ABCB1: variants seen among roughly 807,000 people sequenced by gnomAD.
The protein encoded by ABCB1 is ATP binding cassette subfamily B member 1.
ABCB1 carries 69 observed loss-of-function variants against 142.0 expected under a neutral mutation model. The ratio of observed to expected loss-of-function variants is 0.49; its 90% confidence interval spans 0.40 to 0.59. The LOEUF (loss-of-function observed/expected upper bound fraction) is 0.59, where lower values mean the gene tolerates loss of function less well. Ranked by LOEUF, ABCB1 falls within the 20% of genes least tolerant of loss-of-function variation. The probability of loss-of-function intolerance (pLI) is 0.00; values close to 1 mark genes in which losing one functional copy is unlikely to be tolerated. For missense variants in ABCB1, 1,326 were observed against 1,554.7 expected, an observed-to-expected ratio of 0.85 and a Z score of 2.47; for synonymous variants, 532 against 539.2, an observed-to-expected ratio of 0.99 and a Z score of 0.18.
At chr7:87,569,729 C>G (rs1232918238) in intron 5 of ABCB1, among the ~76,000 whole-genome samples, 10 of 152,066 alleles carry the variant, frequency 6.6e-5, no homozygotes, top group Non-Finnish European at 1.2e-4. Context: ...GCTCTTTCCC[C>G]CAGGCTGGAG....
At chr7:87,599,290 T>C (rs1186953715) in intron 2 of ABCB1, among the ~76,000 whole-genome samples, 1 of 152,204 alleles carries the variant, frequency 6.6e-6, no homozygotes, top group Admixed American at 6.5e-5. Context: ...GATCAAAATT[T>C]ACTTTAAATA....
rs1563080875 is a variant in ABCB1, at chr7:87,626,461, CATATATGTGTCAT to C, written c.-330-25396_-330-25384del. ...TCATATATGTGTCATATATATGTGT[CATATATGTGTCAT>C]ATATATGTGTCATATATATGTGTCA... On this transcript the variant is annotated intron_variant, in intron 1 of 28. Coordinates refer to the ABCB1 transcript ENST00000265724. Among the ~76,000 whole-genome samples the C allele has an allele frequency of 2.4e-4, 3 of 12,746 alleles. 1 individual carries two copies. The highest frequency in any genetic ancestry group is 3.2e-4 in the Non-Finnish European group (3 of 9,522). 8.4% of individuals were successfully genotyped at this position (12,746 alleles called of 152,430 possible). A position where few individuals can be genotyped will look rare whatever the true frequency, so the allele number is the denominator to read the frequency against.
At chr7:87,585,276 T>C (rs1261304127) in intron 4 of ABCB1, among the ~76,000 whole-genome samples, 1 of 152,212 alleles carries the variant, frequency 6.6e-6, no homozygotes, top group East Asian at 1.9e-4. Context: ...TATTTCTGAC[T>C]TCACAGGGCT....
intron 1 of ABCB1, among the ~76,000 whole-genome samples, chr7:87,640,023 G>A (rs1822261921): frequency 6.6e-6 from 1 of 150,588 alleles, no homozygotes; most frequent in African/African-American, 2.4e-5. Context: ...TTGTGAACTT[G>A]TGAGTCATAT....
chr7:87,671,393 G>A (rs1022588526), intron 1 of ABCB1, among the ~76,000 whole-genome samples: 9 of 152,198 alleles, frequency 5.9e-5, no homozygotes, highest in African/African-American at 2.2e-4. Context: ...CTCTGGTAGA[G>A]GGTGGCTGGA....
intron 1 of ABCB1, among the ~76,000 whole-genome samples, chr7:87,620,224 G>A (rs1031056539): frequency 6.6e-6 from 1 of 151,376 alleles, no homozygotes; most frequent in Non-Finnish European, 1.5e-5. Flanking sequence ...GCAATGGCAC[G>A]ATCTTGACTC....
At chr7:87,549,243 G>A in intron 14 of ABCB1, 105 bp downstream of exon 14, 1 of 1,337,558 alleles carries the variant, frequency 7.5e-7, no homozygotes. Context: ...GAATCACCTA[G>A]AAGCTATCAG....
At chr7:87,664,659 G>C (rs146234837) in intron 1 of ABCB1, among the ~76,000 whole-genome samples, 10 of 152,186 alleles carry the variant, frequency 6.6e-5, no homozygotes, top group Admixed American at 2.0e-4. Flanking sequence ...GATGATAGAG[G>C]TGCGTATATG....
At position 87,677,274 on chromosome 7, in the gene ABCB1, AACACAC is replaced by A. The variant is rs57009840; in HGVS notation, c.-331+35881_-331+35886del. Among the ~76,000 whole-genome samples, 143 of 135,886 alleles carry A rather than the reference AACACAC, an allele frequency of 1.1e-3. 1 individual carries two copies. The highest frequency in any genetic ancestry group is 7.9e-3 in the South Asian group (33 of 4,170). 89.1% of individuals were successfully genotyped at this position (135,886 alleles called of 152,430 possible). A position where few individuals can be genotyped will look rare whatever the true frequency, so the allele number is the denominator to read the frequency against. ...TGGATTAATAAACTACAGTGTATAT[AACACAC>A]ACACACACACACACACACACACACA... On this transcript the variant is annotated intron_variant, in intron 1 of 28. Transcript: ENST00000265724.
At chr7:87,594,183 A>G (rs1819103653) in intron 3 of ABCB1, among the ~76,000 whole-genome samples, 1 of 152,204 alleles carries the variant, frequency 6.6e-6, no homozygotes, top group Non-Finnish European at 1.5e-5. Context: ...CTTCATCAAG[A>G]GACTTAGAAT....
chr7:87,635,327 G>T (rs1821658073), intron 1 of ABCB1, among the ~76,000 whole-genome samples: 1 of 152,076 alleles, frequency 6.6e-6, no homozygotes, highest in Admixed American at 6.5e-5. Flanking sequence ...AGTCACAGAG[G>T]GTCTTGAAGT....
intron 1 of ABCB1, chr7:87,628,978 C>T (rs202139420): frequency 2.3e-6 from 3 of 1,305,040 alleles, no homozygotes; most frequent in Non-Finnish European, 2.0e-6. Flanking sequence ...GAACCAGCCT[C>T]CCGCCGGGGC....
intron 1 of ABCB1, chr7:87,627,549 A>C (rs1385489625): frequency 6.6e-6 from 1 of 152,414 alleles, no homozygotes; most frequent in Non-Finnish European, 1.5e-5. Context: ...AAGGGAGGTG[A>C]ACAGCAGGCG....
chr7:87,593,544 T>C (rs1375536994), intron 3 of ABCB1, among the ~76,000 whole-genome samples: 3 of 152,230 alleles, frequency 2.0e-5, no homozygotes, highest in African/African-American at 7.2e-5. Flanking sequence ...GGCCCTTGGC[T>C]GGAACTTGGA....
intron 1 of ABCB1, among the ~76,000 whole-genome samples, chr7:87,626,115 T>C (rs1187580679): frequency 7.2e-6 from 1 of 138,520 alleles, no homozygotes; most frequent in Non-Finnish European, 1.6e-5. Flanking sequence ...TATATATGTG[T>C]CATATATATT....
At chr7:87,654,306 G>T (rs1393241149) in intron 1 of ABCB1, among the ~76,000 whole-genome samples, 3 of 151,980 alleles carry the variant, frequency 2.0e-5, no homozygotes, top group Non-Finnish European at 4.4e-5. Flanking sequence ...AAAGCTGGAG[G>T]CATCAAAATA....
At chr7:87,674,635 G>T (rs747350499) in intron 1 of ABCB1, among the ~76,000 whole-genome samples, 1 of 152,066 alleles carries the variant, frequency 6.6e-6, no homozygotes, top group African/African-American at 2.4e-5. Context: ...GGGTGGGCTA[G>T]CATGTATTGG....
At chr7:87,547,956 T>C (rs946996822) in intron 14 of ABCB1, among the ~76,000 whole-genome samples, 5 of 149,500 alleles carry the variant, frequency 3.3e-5, no homozygotes, top group African/African-American at 1.2e-4. Context: ...GCAGCAGAGG[T>C]TGTAGTGGCC....
intron 1 of ABCB1, chr7:87,650,798 G>T: frequency 6.9e-7 from 1 of 1,446,162 alleles, no homozygotes; most frequent in South Asian, 1.1e-5. Flanking sequence ...CTGCCTAAAA[G>T]CAACAATAAT....
Sources: gnomAD v4.1 joint callset for allele counts (sites outside exome capture counted in the v4.1 genomes callset) on GRCh38, gnomAD v4.1.1 for gene constraint, MANE v1.5 for transcripts, NCBI Gene and HGNC (gene_info 2026-07-23, HGNC 2026-07-21) for gene names.